PAFAH1B1: variants seen among roughly 807,000 people sequenced by gnomAD.
PAFAH1B1 encodes platelet activating factor acetylhydrolase 1b regulatory subunit 1, also known as platelet-activating factor acetylhydrolase IB subunit beta.
PAFAH1B1 carries 2 observed loss-of-function variants against 57.5 expected under a neutral mutation model. That is an observed-to-expected ratio of 0.03 (90% CI 0.01 to 0.11). The LOEUF (loss-of-function observed/expected upper bound fraction) is 0.11, where lower values mean the gene tolerates loss of function less well. PAFAH1B1 is among the 10% of genes least tolerant of loss of function. The probability of loss-of-function intolerance (pLI) is 1.00; values close to 1 mark genes in which losing one functional copy is unlikely to be tolerated. For synonymous variants in PAFAH1B1, 152 were observed against 169.6 expected, an observed-to-expected ratio of 0.90 and a Z score of 0.81; for missense variants, 257 against 512.0, an observed-to-expected ratio of 0.50 and a Z score of 4.81.
At chr17:2,611,028 T>C (rs987258112) in intron 1 of PAFAH1B1, among the ~76,000 whole-genome samples, 12 of 152,192 alleles carry the variant, frequency 7.9e-5, no homozygotes, top group Middle Eastern at 3.2e-3. Context: ...TTACCCAGAA[T>C]AGAATTTGTG....
intron 1 of PAFAH1B1, among the ~76,000 whole-genome samples, chr17:2,614,110 C>T (rs937335890): frequency 1.0e-4 from 14 of 139,930 alleles, no homozygotes; most frequent in African/African-American, 3.8e-4. Flanking sequence ...ACTGCTGCAG[C>T]CTCAACCTCC....
chr17:2,640,285 C>T (rs575682446), intron 2 of PAFAH1B1: 2 of 151,794 alleles, frequency 1.3e-5, no homozygotes, highest in African/African-American at 2.4e-5. Context: ...TTGTTACTCT[C>T]GTACATCATC....
At chr17:2,639,134 G>A (rs1191763498) in intron 2 of PAFAH1B1, among the ~76,000 whole-genome samples, 1 of 151,718 alleles carries the variant, frequency 6.6e-6, no homozygotes, top group Non-Finnish European at 1.5e-5. Flanking sequence ...TCCTGACCTC[G>A]TGATCCGCCT....
chr17:2,613,887 G>T, intron 1 of PAFAH1B1: 1 of 205,648 alleles, frequency 4.9e-6, no homozygotes. Context: ...AGAAAGGGGG[G>T]CCTGAAATGG....
chr17:2,650,506 C>T (rs1364980059), intron 2 of PAFAH1B1, among the ~76,000 whole-genome samples: 129 of 129,440 alleles, frequency 1.0e-3, no homozygotes, highest in African/African-American at 3.7e-3. Context: ...AGCAAGACTC[C>T]ATCTAAAAAA....
chr17:2,683,106 T>A lies in PAFAH1B1; in HGVS notation c.*1304T>A, dbSNP rs1293739205. 6.6e-6 allele frequency: 1 copy of A among 152,212 alleles called. No homozygotes were observed. Among genetic ancestry groups the A allele is most frequent in the East Asian group, 1.9e-4 (1 of 5,198 alleles). The allele number at this position is 152,212 out of a possible 1,614,324, so 9.4% of individuals were successfully genotyped here. ...GAAAACTAGGTCTGACTCTGGGGAT[T>A]TTTTTCCAGCCGAAGGAAAATCACT... On this transcript the variant is annotated 3_prime_UTR_variant, in exon 11 of 11. Coordinates refer to ENST00000397195, the MANE Select transcript of PAFAH1B1 (RefSeq NM_000430.4).
chr17:2,601,403 G>A (rs985303511), intron 1 of PAFAH1B1, among the ~76,000 whole-genome samples: 1 of 151,706 alleles, frequency 6.6e-6, no homozygotes, highest in Non-Finnish European at 1.5e-5. Flanking sequence ...AAAGTGCTAG[G>A]AGTACAGGCA....
chr17:2,614,357 A>G (rs550629120), intron 1 of PAFAH1B1, among the ~76,000 whole-genome samples: 3 of 152,236 alleles, frequency 2.0e-5, no homozygotes, highest in African/African-American at 7.2e-5. Flanking sequence ...TTCTTACTGC[A>G]GTGGCAGAAG....
chr17:2,595,090 GCCTTT>G (rs2068070453), intron 1 of PAFAH1B1, among the ~76,000 whole-genome samples: 1 of 152,132 alleles, frequency 6.6e-6, no homozygotes, highest in Admixed American at 6.5e-5. Flanking sequence ...AAGAAAATAC[GCCTTT>G]GAAGAGGAGG....
intron 1 of PAFAH1B1, among the ~76,000 whole-genome samples, chr17:2,616,990 G>GCT (rs2068351789): frequency 1.3e-5 from 2 of 152,044 alleles, no homozygotes; most frequent in African/African-American, 4.8e-5. Context: ...GGAGAATGGT[G>GCT]TGAACCCGGG....
chr17:2,633,430 A>G (rs1178360925), intron 1 of PAFAH1B1, among the ~76,000 whole-genome samples: 1 of 150,618 alleles, frequency 6.6e-6, no homozygotes, highest in African/African-American at 2.4e-5. Flanking sequence ...AGCCTCCCAA[A>G]GTGCTGGGAT....
intron 1 of PAFAH1B1, among the ~76,000 whole-genome samples, chr17:2,600,899 A>T (rs1022113324): frequency 7.9e-5 from 12 of 151,732 alleles, no homozygotes; most frequent in African/African-American, 2.9e-4. Context: ...CACCTGGCTA[A>T]TTTTTTATTT....
intron 1 of PAFAH1B1, among the ~76,000 whole-genome samples, chr17:2,598,882 A>T (rs553226021): frequency 6.6e-6 from 1 of 152,272 alleles, no homozygotes; most frequent in East Asian, 1.9e-4. Flanking sequence ...ATGGAACCTT[A>T]GTTTAACTTC....
chr17:2,620,671 G>C (rs1013811831), intron 1 of PAFAH1B1, among the ~76,000 whole-genome samples: 3 of 152,040 alleles, frequency 2.0e-5, no homozygotes, highest in African/African-American at 7.2e-5. Flanking sequence ...ATACCATCCT[G>C]GCCAACATGG....
intron 9 of PAFAH1B1, among the ~76,000 whole-genome samples, chr17:2,678,933 G>C (rs1329319693): frequency 1.3e-5 from 2 of 152,146 alleles, no homozygotes; most frequent in East Asian, 1.9e-4. Flanking sequence ...GCACTATCCA[G>C]CGTGGTAGCT....
chr17:2,651,540 G>A (rs2068849562), intron 2 of PAFAH1B1, among the ~76,000 whole-genome samples: 1 of 150,768 alleles, frequency 6.6e-6, no homozygotes, highest in Non-Finnish European at 1.5e-5. Flanking sequence ...AGCCGAGCTT[G>A]CACCACTGCA....
chr17:2,678,400 C>CAA (rs11394999), intron 9 of PAFAH1B1, among the ~76,000 whole-genome samples: 1,397 of 80,890 alleles, frequency 0.017, 43 homozygotes, highest in African/African-American at 0.058. Flanking sequence ...GAAACCATCT[C>CAA]AAAAAAAAAA....
At chr17:2,656,812 G>T (rs2068941870) in intron 2 of PAFAH1B1, among the ~76,000 whole-genome samples, 1 of 152,100 alleles carries the variant, frequency 6.6e-6, no homozygotes, top group South Asian at 2.1e-4. Context: ...TGATAAATAG[G>T]TCTTTTAAAA....
At chr17:2,661,197 C>A (rs1388412082) in intron 2 of PAFAH1B1, among the ~76,000 whole-genome samples, 1 of 152,128 alleles carries the variant, frequency 6.6e-6, no homozygotes, top group African/African-American at 2.4e-5. Flanking sequence ...TCAATTTTAG[C>A]TTTTGATGCA....
Sources: gnomAD v4.1 joint callset for allele counts (sites outside exome capture counted in the v4.1 genomes callset) on GRCh38, gnomAD v4.1.1 for gene constraint, MANE v1.5 for transcripts, NCBI Gene and HGNC (gene_info 2026-07-23, HGNC 2026-07-21) for gene names.